Variants in LRRC56 observed in about 807,000 individuals in gnomAD.
The protein encoded by LRRC56 is leucine rich repeat containing 56, also known as leucine-rich repeat-containing protein 56.
Under a neutral mutation model 47.8 loss-of-function variants are expected in LRRC56, and 41 were observed. The ratio of observed to expected loss-of-function variants is 0.86; its 90% CI spans 0.67 to 1.11. The LOEUF (loss-of-function observed/expected upper bound fraction) is 1.11, where lower values mean the gene tolerates loss of function less well. Ranked by LOEUF, LRRC56 falls within the 50% of genes most tolerant of loss-of-function variation. LRRC56 has a pLI of 0.00. For missense variants in LRRC56, 759 were observed against 704.2 expected (o/e 1.08, Z -0.88); for synonymous variants, 387 against 311.2 (o/e 1.24, Z -2.56).
At position 554,016 on chromosome 11, in the gene LRRC56, A is replaced by G. The variant is rs1227639219; in HGVS notation, c.1369A>G (p.Arg457Gly). 1 of 1,612,108 alleles carries G rather than the reference A, an allele frequency of 6.2e-7. No homozygotes were observed. The highest frequency in any genetic ancestry group is 1.1e-5 in the South Asian group (1 of 91,072). The change falls in exon 14 of 14, where the codon AGG (arginine) becomes GGG (glycine). Residue 457 changes from arginine (R) to glycine (G), a missense_variant. Arg to Gly is a moderately radical substitution (Grantham distance 125). Transcript: ENST00000270115. Reference sequence around the variant, plus strand: ...GGTCCCTTCACCTCCCAAGCACCCAAGGCCACGAGATTCTGGCAGCAGCTC... The same window carrying G: ...GGTCCCTTCACCTCCCAAGCACCCAGGGCCACGAGATTCTGGCAGCAGCTC... ...HLVPSPPKHP[R>G]PRDSGSSSPR...
At chr11:544,304 C>T (rs1185822292) in intron 5 of LRRC56, among the ~76,000 whole-genome samples, 2 of 152,204 alleles carry the variant, frequency 1.3e-5, no homozygotes, top group African/African-American at 4.8e-5. Context: ...CACCCAGCCA[C>T]GCCAGCCTGG....
At chr11:534,206 G>T, upstream of LRRC56, 1 of 1,603,726 alleles carries the variant, frequency 6.2e-7, no homozygotes. Context: ...GCGGCGCCAG[G>T]CTCACCTCTA....
the LRRC56 span, among the ~76,000 whole-genome samples, chr11:524,625 C>G: frequency 1.3e-5 from 2 of 151,510 alleles, no homozygotes; most frequent in East Asian, 3.9e-4. Context: ...GAGTGAAACT[C>G]TGTCTCAAAA....
chr11:513,498 T>C, the LRRC56 span, among the ~76,000 whole-genome samples: 1 of 152,290 alleles, frequency 6.6e-6, no homozygotes, highest in African/African-American at 2.4e-5. Context: ...CTGGTGAAGA[T>C]GCTCTAAACA....
At chr11:529,923 C>T in the LRRC56 span, 1 of 152,280 alleles carries the variant, frequency 6.6e-6, no homozygotes, top group South Asian at 2.1e-4. Flanking sequence ...TCCCCGAGGC[C>T]AAGGCCTAGC....
rs201855296 is a variant in LRRC56, at chr11:540,296, C to A, written c.-11-378C>A. Reference sequence around the variant, plus strand: ...CCACAGCTTGAGGCAGTGCCGGGAGCCCCACAGCCACCGGCAGCTGGCCCG... The same window carrying A: ...CCACAGCTTGAGGCAGTGCCGGGAGACCCACAGCCACCGGCAGCTGGCCCG... On this transcript the variant is annotated intron_variant, in intron 3 of 13. Coordinates refer to ENST00000270115, the MANE Select transcript of LRRC56 (RefSeq NM_198075.4). Among the ~76,000 whole-genome samples, 59 of 152,304 alleles carry A rather than the reference C, an allele frequency of 3.9e-4. 1 individual carries two copies. The East Asian group carries it at 0.011, about 28-fold the overall frequency.
intron 13 of LRRC56, 75 bp from the exon 14 acceptor site, chr11:553,888 G>C: frequency 2.2e-6 from 3 of 1,385,820 alleles, no homozygotes; most frequent in Non-Finnish European, 3.0e-6. Flanking sequence ...CCACGGGTGG[G>C]CTGTGGCCTC....
At chr11:536,579 G>A (rs921014679), upstream of LRRC56, among the ~76,000 whole-genome samples, 1 of 152,174 alleles carries the variant, frequency 6.6e-6, no homozygotes, top group Non-Finnish European at 1.5e-5. Flanking sequence ...AGACCAGCCT[G>A]GCCAACATGA....
At chr11:510,244 GA>G in the LRRC56 span, among the ~76,000 whole-genome samples, 70 of 152,318 alleles carry the variant, frequency 4.6e-4, no homozygotes, top group African/African-American at 1.7e-3. Context: ...GCCTAAGTCA[GA>G]CCCCGGGGAG....
the LRRC56 span, among the ~76,000 whole-genome samples, chr11:513,579 G>A: frequency 6.6e-6 from 1 of 152,160 alleles, no homozygotes; most frequent in Non-Finnish European, 1.5e-5. Context: ...GGTTCGAGAG[G>A]ATTTTCCAGT....
Position 552,171 on chromosome 11 carries a change from GC to G in LRRC56, c.1121del (p.Ala374GlufsTer36). On this transcript the variant is annotated frameshift_variant, in exon 12 of 14. Coordinates refer to ENST00000270115, the MANE Select transcript of LRRC56 (RefSeq NM_198075.4). LOFTEE classifies it high-confidence loss of function. ...CACTTCCACCCCAGAGCCTGACCCT[GC>G]AGACAGCTCTGACTTCCTGGCCTTG... ...ASTSTPEPDP[A>X]DSSDFLALAG... The G allele has an allele frequency of 6.2e-7, 1 of 1,612,752 alleles. No individual in the cohort carries two copies. The highest frequency in any genetic ancestry group is 8.5e-7 in the Non-Finnish European group (1 of 1,179,920).
At chr11:522,480 A>G in the LRRC56 span, among the ~76,000 whole-genome samples, 9,479 of 152,050 alleles carry the variant, frequency 0.062, 357 homozygotes, top group Middle Eastern at 0.13. Context: ...GTTAGCCAGG[A>G]TACTCTCGAT....
rs1852379469 is a variant in LRRC56 at position 551,368 on chromosome 11, C to G, written c.796+66C>G. 2.6e-5 allele frequency: 28 copies of G among 1,094,700 alleles called. 1 individual carries two copies. In the South Asian group the frequency reaches 4.4e-4, roughly 17 times the overall value. 67.8% of individuals were successfully genotyped at this position (1,094,700 alleles called of 1,614,324 possible). ...GCTCCCCCCAGGAAGAGGCCCCCACCCCAGGCTTCTCAGAAACGGATAGCC... is the reference window on the plus strand; with the variant it reads ...GCTCCCCCCAGGAAGAGGCCCCCACGCCAGGCTTCTCAGAAACGGATAGCC... On this transcript the variant is annotated intron_variant, in intron 9 of 13. Transcript: ENST00000270115.
At chr11:507,507 T>A in the LRRC56 span, among the ~76,000 whole-genome samples, 3 of 151,996 alleles carry the variant, frequency 2.0e-5, no homozygotes, top group Non-Finnish European at 4.4e-5. Context: ...GTGTGCGTGT[T>A]GTGGGCCTCG....
chr11:546,486 T>G (rs1456764164), intron 6 of LRRC56, among the ~76,000 whole-genome samples: 2 of 151,194 alleles, frequency 1.3e-5, no homozygotes, highest in Non-Finnish European at 2.9e-5. Flanking sequence ...GAAAATGGCG[T>G]GAACCCAGGA....
upstream of LRRC56, chr11:535,489 G>C (rs538573448): frequency 1.4e-5 from 2 of 147,456 alleles, no homozygotes; most frequent in South Asian, 1.8e-4. Flanking sequence ...GGGGGCGCGC[G>C]GTTCGCCCCG....
chr11:540,524 T>C, intron 3 of LRRC56, 150 bp from the exon 4 acceptor site: 1 of 623,562 alleles, frequency 1.6e-6, no homozygotes, highest in East Asian at 3.0e-5. Flanking sequence ...CCAGCCAAGC[T>C]AGGAGCCTTC....
At chr11:553,841 G>A (rs975991669) in intron 13 of LRRC56, 122 bp from the exon 14 acceptor site, 7 of 798,258 alleles carry the variant, frequency 8.8e-6, no homozygotes, top group Non-Finnish European at 8.1e-6. Flanking sequence ...GCTGCTGCCT[G>A]TGGACCCCCA....
At chr11:517,604 C>T in the LRRC56 span, among the ~76,000 whole-genome samples, 13 of 151,928 alleles carry the variant, frequency 8.6e-5, no homozygotes, top group Admixed American at 3.9e-4. Context: ...CCGGCCACCC[C>T]GTCTGGGAGG....
Sources: allele counts gnomAD v4.1 joint callset (sites outside exome capture counted in the v4.1 genomes callset), GRCh38; gene constraint gnomAD v4.1.1; transcripts MANE v1.5; gene names NCBI Gene and HGNC (gene_info 2026-07-23, HGNC 2026-07-21).